Variants in EXPH5 observed in about 807,000 individuals in gnomAD.
EXPH5 encodes the protein exophilin-5.
Under a neutral mutation model 41.1 loss-of-function variants are expected in EXPH5, and 42 were observed. The observed-to-expected ratio is 1.02, with a 90% confidence interval of 0.80 to 1.32. EXPH5 has a LOEUF of 1.32. Among genes scored for constraint, EXPH5 ranks in the 40% most tolerant of loss-of-function variants. The pLI is 0.00. For missense variants in EXPH5, 2,298 were observed against 2,314.5 expected, an observed-to-expected ratio of 0.99 and a Z score of 0.15; for synonymous variants, 798 against 833.5, an observed-to-expected ratio of 0.96 and a Z score of 0.73.
intron 1 of EXPH5, among the ~76,000 whole-genome samples, chr11:108,569,850 T>C (rs1260010523): frequency 4.3e-5 from 6 of 140,882 alleles, no homozygotes; most frequent in Admixed American, 1.4e-4. Context: ...TGCCTAGACC[T>C]CTGACTCCTG....
chr11:108,578,063 T>C (rs1258922341), intron 1 of EXPH5, among the ~76,000 whole-genome samples: 1 of 152,236 alleles, frequency 6.6e-6, no homozygotes, highest in Non-Finnish European at 1.5e-5. Context: ...TTTGTCAATT[T>C]TTGCTTTGGT....
chr11:108,547,967 G>A (rs2093945995), intron 1 of EXPH5, among the ~76,000 whole-genome samples: 1 of 151,966 alleles, frequency 6.6e-6, no homozygotes, highest in Non-Finnish European at 1.5e-5. Flanking sequence ...AAATTAGCTG[G>A]GCTTGGTGGC....
chr11:108,531,329 C>T (rs564788981), intron 3 of EXPH5, among the ~76,000 whole-genome samples: 50 of 152,310 alleles, frequency 3.3e-4, no homozygotes, highest in South Asian at 2.3e-3. Context: ...CAGTGGCTCA[C>T]GCCTGTAATC....
rs777965883 is a variant in EXPH5, at chr11:108,511,034, G to A, written c.4473C>T (p.Asn1491=). ...GTGTTTTATTAGTCATTTTTTGGCAGTTGGTTCCAATGTCCCCTCTGCCTT... is the reference window on the plus strand; with the variant it reads ...GTGTTTTATTAGTCATTTTTTGGCAATTGGTTCCAATGTCCCCTCTGCCTT... The part of the protein sequence containing the change: ...PREGRGDIGT[N]CQKMTNKTLS... Residue 1491 remains asparagine (N), a synonymous_variant, in exon 6 of 6, where the codon AAC becomes AAT. Transcript: ENST00000265843. 17 of 1,614,042 alleles carry A rather than the reference G, an allele frequency of 1.1e-5. No homozygotes were observed. The highest frequency in any genetic ancestry group is 2.5e-6 in the Non-Finnish European group (3 of 1,180,028).
At chr11:108,559,234 C>T (rs1453854986) in intron 1 of EXPH5, among the ~76,000 whole-genome samples, 1 of 152,050 alleles carries the variant, frequency 6.6e-6, no homozygotes, top group South Asian at 2.1e-4. Context: ...TGTTGAATAA[C>T]CGAAAAAATG....
rs145054128 is a variant in EXPH5, at chr11:108,528,362, A to G, written c.444-178T>C. On this transcript the variant is annotated intron_variant, in intron 3 of 5. Coordinates refer to ENST00000265843, the MANE Select transcript of EXPH5 (RefSeq NM_015065.3). ...TGAAAAAAATTAGAAACTGTTTCCT[A>G]TGATTACCCAGAATCAATACTTTAC... 2.9e-3 allele frequency among the ~76,000 whole-genome samples: 441 copies of G among 152,358 alleles called. 1 individual carries two copies. The highest frequency in any genetic ancestry group is 0.01 in the African/African-American group (422 of 41,586).
intron 1 of EXPH5, among the ~76,000 whole-genome samples, chr11:108,589,378 G>A (rs989929764): frequency 1.3e-5 from 2 of 152,152 alleles, no homozygotes; most frequent in African/African-American, 2.4e-5. Context: ...AACCTCTGCC[G>A]GATGTGGCAG....
rs1372976227 is a variant in EXPH5 at position 108,549,617 on chromosome 11, G to A, written c.120-7805C>T. ...ATGATAGCTGTCCATTTATCTCCCG[G>A]TCATTGTGTGTAAGTAATCCTTTGG... On this transcript the variant is annotated intron_variant, in intron 1 of 5. Coordinates refer to ENST00000265843, the MANE Select transcript of EXPH5 (RefSeq NM_015065.3). Among the ~76,000 whole-genome samples, 2 of 152,116 alleles carry A rather than the reference G, an allele frequency of 1.3e-5. 1 individual carries two copies. The highest frequency in any genetic ancestry group is 1.3e-4 in the Admixed American group (2 of 15,260).
At chr11:108,526,241 A>G (rs1436919994) in intron 4 of EXPH5, among the ~76,000 whole-genome samples, 1 of 152,036 alleles carries the variant, frequency 6.6e-6, no homozygotes, top group Non-Finnish European at 1.5e-5. Flanking sequence ...ACTTTTCATA[A>G]TAGCTATTCA....
chr11:108,558,834 A>G (rs1375455038), intron 1 of EXPH5, among the ~76,000 whole-genome samples: 1 of 152,210 alleles, frequency 6.6e-6, no homozygotes, highest in East Asian at 1.9e-4. Context: ...TGTGACAGCT[A>G]TGATGCTGGG....
intron 1 of EXPH5, among the ~76,000 whole-genome samples, chr11:108,580,861 A>G (rs1020817468): frequency 6.6e-6 from 1 of 152,222 alleles, no homozygotes; most frequent in Non-Finnish European, 1.5e-5. Flanking sequence ...AGCTGACGTC[A>G]TAGAAGTAAA....
chr11:108,532,262 C>A (rs1284411275), intron 3 of EXPH5, among the ~76,000 whole-genome samples: 1 of 141,326 alleles, frequency 7.1e-6, no homozygotes, highest in Non-Finnish European at 1.5e-5. Flanking sequence ...ACTGCAGCCT[C>A]TACTTCCTGG....
intron 1 of EXPH5, among the ~76,000 whole-genome samples, chr11:108,564,404 A>G (rs1045091442): frequency 6.6e-6 from 1 of 151,338 alleles, no homozygotes; most frequent in East Asian, 1.9e-4. Context: ...TTTTCAAAAA[A>G]TGCTCTTACC....
At chr11:108,591,792 G>T (rs1168026339) in intron 1 of EXPH5, among the ~76,000 whole-genome samples, 2 of 152,198 alleles carry the variant, frequency 1.3e-5, no homozygotes, top group Middle Eastern at 3.4e-3. Context: ...ATCGTGAGTT[G>T]CAATAGAGAA....
Position 108,593,727 on chromosome 11 carries a change from A to G in EXPH5, c.-191T>C. ...AAGGGCTCATATTGACAATACCTTA[A>G]TGACATGTTTCTCTCAACCTGTCCA... On this transcript the variant is annotated 5_prime_UTR_variant, in exon 1 of 6. Transcript: ENST00000265843. The G allele has an allele frequency of 6.5e-7, 1 of 1,537,938 alleles. No homozygotes were observed.
rs577224198 is a variant in EXPH5 at position 108,511,897 on chromosome 11, C to A, written c.3610G>T (p.Ala1204Ser). Residue 1204 changes from alanine to serine, a missense_variant, in exon 6 of 6, where the codon GCT (alanine) becomes TCT (serine). Physicochemically the swap from Ala to Ser is moderately conservative, Grantham distance 99. Transcript: ENST00000265843. ...GGTAAAGGGTCTTCATTTGAAAGAGCAAATACACTTCTCCTGGAGGCAGCC... is the reference window on the plus strand; with the variant it reads ...GGTAAAGGGTCTTCATTTGAAAGAGAAAATACACTTCTCCTGGAGGCAGCC... ...KMAASRRSVF[A>S]LSNEDPLPFC... 33 of 1,590,544 alleles carry A rather than the reference C, an allele frequency of 2.1e-5. No individual in the cohort carries two copies. The East Asian group carries it at 5.1e-4, about 25-fold the overall frequency.
intron 1 of EXPH5, among the ~76,000 whole-genome samples, chr11:108,565,059 C>T (rs1304800738): frequency 2.0e-5 from 3 of 151,966 alleles, no homozygotes; most frequent in Non-Finnish European, 4.4e-5. Context: ...GCACCCACCA[C>T]CACGCCTGGC....
intron 3 of EXPH5, among the ~76,000 whole-genome samples, chr11:108,528,988 C>A (rs920653377): frequency 6.6e-6 from 1 of 151,628 alleles, no homozygotes; most frequent in African/African-American, 2.4e-5. Context: ...CAGGTGTGAG[C>A]CGTGGTGCCT....
At position 108,527,327 on chromosome 11, in the gene EXPH5, A is replaced by G. The variant is rs570361558; in HGVS notation, c.492+809T>C. Among the ~76,000 whole-genome samples the G allele has an allele frequency of 1.7e-4, 26 of 152,264 alleles. No homozygotes were observed. The South Asian group carries it at 5.2e-3, about 30-fold the overall frequency. ...AGAGTGAGAAACTGTCTCAAAAAAA[A>G]AGAACCTCTGTTTATATGCACTCCT... On this transcript the variant is annotated intron_variant, in intron 4 of 5. Transcript: ENST00000265843.
Sources: gnomAD v4.1 joint callset for allele counts (sites outside exome capture counted in the v4.1 genomes callset) on GRCh38, gnomAD v4.1.1 for gene constraint, MANE v1.5 for transcripts, NCBI Gene and HGNC (gene_info 2026-07-23, HGNC 2026-07-21) for gene names.